ADCY9: variants seen among roughly 807,000 people sequenced by gnomAD.
ADCY9 encodes the protein adenylate cyclase 9, also known as adenylate cyclase type 9.
Under a neutral mutation model 101.5 loss-of-function variants are expected in ADCY9, and 50 were observed. That is an observed-to-expected ratio of 0.49 (90% CI 0.39 to 0.62). The LOEUF is 0.62. Among genes scored for constraint, ADCY9 ranks in the 20% least tolerant of loss-of-function variants. The pLI is 0.00. For synonymous variants in ADCY9, 905 were observed against 769.3 expected, an observed-to-expected ratio of 1.18 and a Z score of -2.92; for missense variants, 1,662 against 1,800.4, an observed-to-expected ratio of 0.92 and a Z score of 1.39.
chr16:4,086,677 T>A (rs1393626873), intron 2 of ADCY9, among the ~76,000 whole-genome samples: 2 of 152,110 alleles, frequency 1.3e-5, no homozygotes. Flanking sequence ...TTAATTTTTT[T>A]AAGACAGGGT....
intron 2 of ADCY9, among the ~76,000 whole-genome samples, chr16:4,022,664 C>G (rs948187972): frequency 1.3e-5 from 2 of 152,002 alleles, no homozygotes; most frequent in Admixed American, 6.6e-5. Context: ...GCCAGTGGCT[C>G]ATGCTTGTAA....
chr16:3,986,105 G>A (rs2056190777), intron 6 of ADCY9, among the ~76,000 whole-genome samples: 1 of 152,260 alleles, frequency 6.6e-6, no homozygotes, highest in South Asian at 2.1e-4. Flanking sequence ...CACAGGCTCT[G>A]CAGCCGGGCT....
In ADCY9 at chr16:3,992,028, G is replaced by A. The variant is rs563564122; in HGVS notation, c.2207+118C>T. On this transcript the variant is annotated intron_variant, in intron 5 of 10. Transcript: ENST00000294016. This position sits in a 1 kb window ranked among gnomAD's most constrained non-coding sequence, Gnocchi z 4.2. ...AGAGGCTGCAGTGAGCCAAGATCGC[G>A]CCACTGCACTGCAGCCTGGATGACA... 2.1e-4 allele frequency: 202 copies of A among 957,794 alleles called. No homozygotes were observed. The African/African-American group carries it at 3.1e-3, about 15-fold the overall frequency. 59.3% of individuals were successfully genotyped at this position (957,794 alleles called of 1,614,324 possible).
chr16:4,006,817 G>A (rs941585157), intron 3 of ADCY9, among the ~76,000 whole-genome samples: 1 of 152,096 alleles, frequency 6.6e-6, no homozygotes, highest in East Asian at 1.9e-4. Context: ...GTCCAGAAAC[G>A]GGCACTTCTA....
chr16:4,060,126 GATTT>G (rs2056765925), intron 2 of ADCY9, among the ~76,000 whole-genome samples: 1 of 152,124 alleles, frequency 6.6e-6, no homozygotes, highest in African/African-American at 2.4e-5. Context: ...AAACCACGGT[GATTT>G]CCTGTAAACA....
chr16:4,041,067 G>T (rs2056623332), intron 2 of ADCY9, among the ~76,000 whole-genome samples: 1 of 152,170 alleles, frequency 6.6e-6, no homozygotes, highest in South Asian at 2.1e-4. Context: ...TCAAAGCCCA[G>T]GGAGGAAAAT....
intron 7 of ADCY9, among the ~76,000 whole-genome samples, chr16:3,980,549 C>A (rs57735531): frequency 0.011 from 1,685 of 152,292 alleles, 32 homozygotes; most frequent in African/African-American, 0.038. Flanking sequence ...GCCTCTGGCA[C>A]AGAGCCCCCC....
intron 2 of ADCY9, among the ~76,000 whole-genome samples, chr16:4,061,976 G>T (rs927920994): frequency 2.0e-5 from 3 of 152,126 alleles, no homozygotes; most frequent in African/African-American, 7.2e-5. Context: ...GACATTTAAT[G>T]GAACAAAGTT....
Position 4,113,987 on chromosome 16 carries a change from T to C in ADCY9, c.1456A>G (p.Met486Val). 4 of 1,613,942 alleles carry C rather than the reference T, an allele frequency of 2.5e-6. No homozygotes were observed. Among genetic ancestry groups the C allele is most frequent in the Non-Finnish European group, 3.4e-6 (4 of 1,180,034 alleles). Residue 486 changes from methionine (M) to valine (V), a missense_variant, in exon 2 of 11, where the codon ATG becomes GTG. Coordinates refer to ENST00000294016, the MANE Select transcript of ADCY9 (RefSeq NM_001116.4). The part of the protein sequence containing the change: ...FCQEKKEMVN[M>V]RVGVHTGTVL... ...GTGCCCGTGTGCACCCCGACTCTCA[T>C]GTTCACCATCTCCTTCTTCTCCTGG...
In ADCY9 at chr16:4,110,188, C is replaced by T. The variant is rs11645435; in HGVS notation, c.1693+3562G>A. On this transcript the variant is annotated intron_variant, in intron 2 of 10. Coordinates refer to ENST00000294016, the MANE Select transcript of ADCY9 (RefSeq NM_001116.4). ...GGTCAGACGCGCCCCAAAGTGGGGC[C>T]GAGCCCAAGAGGGTTCTTGGCTTTG... Among the ~76,000 whole-genome samples the T allele has an allele frequency of 1.7e-3, 261 of 152,240 alleles. 2 individuals are homozygous for T. The highest frequency in any genetic ancestry group is 3.3e-3 in the Non-Finnish European group (227 of 68,030).
In ADCY9 at chr16:4,115,766, T is replaced by G. The variant is rs1398019228; in HGVS notation, c.-120A>C. On this transcript the variant is annotated 5_prime_UTR_variant, in exon 1 of 11. Transcript: ENST00000294016. This position sits in a 1 kb window ranked among gnomAD's most constrained non-coding sequence, Gnocchi z 6.2. ...TTTGCTCGCTCGCCTTCCGCGCCTCTCGCCCCGAGGGTGGCCTCCGCGCCG... is the reference window on the plus strand; with the variant it reads ...TTTGCTCGCTCGCCTTCCGCGCCTCGCGCCCCGAGGGTGGCCTCCGCGCCG... 2 of 404,516 alleles carry G rather than the reference T, an allele frequency of 4.9e-6. No individual in the cohort carries two copies. Among genetic ancestry groups the G allele is most frequent in the Admixed American group, 4.1e-5 (1 of 24,242 alleles). The allele number at this position is 404,516 out of a possible 1,614,324, so 25.1% of individuals were successfully genotyped here.
intron 2 of ADCY9, among the ~76,000 whole-genome samples, chr16:4,064,198 T>C (rs1488306948): frequency 3.3e-5 from 5 of 152,190 alleles, no homozygotes; most frequent in Non-Finnish European, 5.9e-5. Flanking sequence ...GCATCAAAAT[T>C]AGTAAGTTAA....
At chr16:4,027,537 C>G (rs762996642) in intron 2 of ADCY9, among the ~76,000 whole-genome samples, 10 of 152,296 alleles carry the variant, frequency 6.6e-5, no homozygotes, top group African/African-American at 2.2e-4. Context: ...TCTTCCATGA[C>G]GGCAGGGAAG....
chr16:4,009,698 C>G (rs541025813), intron 2 of ADCY9, among the ~76,000 whole-genome samples: 33 of 152,194 alleles, frequency 2.2e-4, no homozygotes, highest in Non-Finnish European at 4.1e-4. Flanking sequence ...AACTGGAATA[C>G]GACGCAGGAG....
At chr16:4,040,891 C>T (rs551714991) in intron 2 of ADCY9, among the ~76,000 whole-genome samples, 7 of 152,284 alleles carry the variant, frequency 4.6e-5, no homozygotes, top group African/African-American at 1.4e-4. Context: ...TCCATTACCT[C>T]ATTTGATTTT....
chr16:3,969,613 T>TG (rs1491520639), intron 10 of ADCY9, among the ~76,000 whole-genome samples: 343 of 80,654 alleles, frequency 4.3e-3, no homozygotes, highest in Non-Finnish European at 5.9e-3. Context: ...TATATATGTA[T>TG]TTTTTTTTTT....
intron 2 of ADCY9, among the ~76,000 whole-genome samples, chr16:4,089,933 T>A (rs2056962909): frequency 6.6e-6 from 1 of 151,992 alleles, no homozygotes; most frequent in Non-Finnish European, 1.5e-5. Context: ...TCCTGGGTAG[T>A]TTTACCTACC....
At position 4,096,844 on chromosome 16, in the gene ADCY9, C is replaced by T. The variant is rs114100027; in HGVS notation, c.1693+16906G>A. ...GTTAATATTTCCCAAACAACTCAAA[C>T]ACGAAAATAAATGATTCAAAAGCTG... On this transcript the variant is annotated intron_variant, in intron 2 of 10. Coordinates refer to ENST00000294016, the MANE Select transcript of ADCY9 (RefSeq NM_001116.4). Among the ~76,000 whole-genome samples, 294 of 151,636 alleles carry T rather than the reference C, an allele frequency of 1.9e-3. 1 individual carries two copies. The highest frequency in any genetic ancestry group is 6.7e-3 in the African/African-American group (278 of 41,278).
At chr16:4,091,571 A>G (rs1450748577) in intron 2 of ADCY9, among the ~76,000 whole-genome samples, 2 of 152,218 alleles carry the variant, frequency 1.3e-5, no homozygotes, top group Non-Finnish European at 2.9e-5. Flanking sequence ...ATGTCCATCA[A>G]TGGAAGAATG....
Sources: allele counts gnomAD v4.1 joint callset (sites outside exome capture counted in the v4.1 genomes callset), GRCh38; gene constraint gnomAD v4.1.1; non-coding constraint Gnocchi (gnomAD v3.1); transcripts MANE v1.5; gene names NCBI Gene and HGNC (gene_info 2026-07-23, HGNC 2026-07-21).